SLITRK3: variants seen among roughly 807,000 people sequenced by gnomAD.
The protein encoded by SLITRK3 is SLIT and NTRK like family member 3.
In SLITRK3, 16 loss-of-function variants were observed where a neutral mutation model predicts 63.6. The ratio of observed to expected loss-of-function variants is 0.25; its 90% CI spans 0.17 to 0.38. The LOEUF (loss-of-function observed/expected upper bound fraction) is 0.38. SLITRK3 is among the 10% of genes least tolerant of loss of function. SLITRK3 has a pLI of 1.00. For missense variants in SLITRK3, 1,117 were observed against 1,181.4 expected (o/e 0.95, Z 0.80); for synonymous variants, 547 against 451.6 (o/e 1.21, Z -2.68).
chr3:165,196,149 G>A lies in SLITRK3; in HGVS notation c.-591C>T, dbSNP rs1718408043. 1 of 152,224 alleles carries A rather than the reference G, an allele frequency of 6.6e-6. No homozygotes were observed. The highest frequency in any genetic ancestry group is 2.4e-5 in the African/African-American group (1 of 41,240). The allele number at this position is 152,224 out of a possible 1,614,324, so 9.4% of individuals were successfully genotyped here. On this transcript the variant is annotated 5_prime_UTR_variant, in exon 1 of 2. Transcript: ENST00000475390. The stretch of plus-strand genomic sequence containing the variant: ...TAGGTGGGTGGGAGTGGGGGTTGGT[G>A]GCGTGTAGATGAGAGAAGAAAAGGG...
intron 1 of SLITRK3, among the ~76,000 whole-genome samples, chr3:165,194,987 G>T (rs1161901431): frequency 6.6e-6 from 1 of 152,102 alleles, no homozygotes; most frequent in Non-Finnish European, 1.5e-5. Context: ...TCCAGAGGGA[G>T]GACAAGAAGC....
chr3:165,194,871 T>A (rs1295807340), intron 1 of SLITRK3, among the ~76,000 whole-genome samples: 1 of 152,176 alleles, frequency 6.6e-6, no homozygotes, highest in African/African-American at 2.4e-5. Flanking sequence ...TAGCTCAGGA[T>A]AGCGCGTCTA....
chr3:165,190,202 A>G lies in SLITRK3; in HGVS notation c.629T>C (p.Val210Ala). ...HLDLRGNRLKVLFYRGMLDHI... is the reference protein window; with the variant it reads ...HLDLRGNRLKALFYRGMLDHI... ...ATCTAGCATTCCTCGGTAAAAAAGA[A>G]CCTTTAACCTATTTCCACGTAGGTC... is the stretch of plus-strand genomic sequence containing the variant. Residue 210 changes from valine to alanine, a missense_variant, in exon 2 of 2, where the codon GTT (valine) becomes GCT (alanine). This residue lies in a region of SLITRK3 where 452 missense variants were observed against 495.3 expected (regional missense o/e 0.91). Transcript: ENST00000475390. The G allele has an allele frequency of 6.2e-7, 1 of 1,614,190 alleles. No individual in the cohort carries two copies. The highest frequency in any genetic ancestry group is 8.5e-7 in the Non-Finnish European group (1 of 1,180,040).
chr3:165,193,236 G>A (rs1718302607), intron 1 of SLITRK3, among the ~76,000 whole-genome samples: 1 of 147,466 alleles, frequency 6.8e-6, no homozygotes, highest in Non-Finnish European at 1.5e-5. Flanking sequence ...CATTTCTTTG[G>A]TGAGGAAGGT....
intron 1 of SLITRK3, among the ~76,000 whole-genome samples, chr3:165,192,832 G>C (rs917604602): frequency 6.6e-5 from 10 of 152,088 alleles, no homozygotes; most frequent in African/African-American, 2.4e-4. Flanking sequence ...TTCCAGCTCT[G>C]CTGCCCCTGC....
chr3:165,190,052 G>A lies in SLITRK3; in HGVS notation c.779C>T (p.Thr260Ile). The A allele has an allele frequency of 6.2e-7, 1 of 1,614,062 alleles. No homozygotes were observed. Among genetic ancestry groups the A allele is most frequent in the Non-Finnish European group, 8.5e-7 (1 of 1,180,014 alleles). ...ATGGAAGTGGAAAGGGGTCTCACAG[G>A]TAATGTCTCCCACCAGGGCAGTATA... The part of the protein sequence containing the change: ...IPYTALVGDI[T>I]CETPFHFHGK... Residue 260 changes from threonine (T) to isoleucine (I), a missense_variant, in exon 2 of 2, where the codon ACC becomes ATC. By Grantham distance (89) the Thr-to-Ile change is moderately conservative (BLOSUM62 -1). Coordinates refer to ENST00000475390, the MANE Select transcript of SLITRK3 (RefSeq NM_001318810.2).
chr3:165,188,769 A>G lies in SLITRK3; in HGVS notation c.2062T>C (p.Phe688Leu), dbSNP rs1718064156. 6.2e-7 allele frequency: 1 copy of G among 1,614,174 alleles called. No homozygotes were observed. The highest frequency in any genetic ancestry group is 8.5e-7 in the Non-Finnish European group (1 of 1,180,044). ...ACACCTTCCTGCCGCTTGCTTCTGA[A>G]GGGCAGCTTCTTTCGACGCCTTCGG... ...VLRRRRKKLP[F>L]RSKRQEGVDL... The change falls in exon 2 of 2, where the codon TTC becomes CTC. Residue 688 changes from phenylalanine to leucine, a missense_variant. Physicochemically the swap from Phe to Leu is conservative, Grantham distance 22 (BLOSUM62 0). Around this residue, in one of 4 missense-constraint regions of SLITRK3, gnomAD observed 499 missense variants for 463.6 expected, o/e 1.08. Transcript: ENST00000475390.
chr3:165,189,860 A>G lies in SLITRK3; in HGVS notation c.971T>C (p.Val324Ala), dbSNP rs751342320. ...LSSVHFTASSVEYKSSNKQPK... is the reference protein window; with the variant it reads ...LSSVHFTASSAEYKSSNKQPK... ...CTGTTTATTTGAGGACTTGTATTCG[A>G]CAGAAGAAGCAGTAAAATGAACAGA... is the stretch of plus-strand genomic sequence containing the variant. The change falls in exon 2 of 2, where the codon GTC (valine) becomes GCC (alanine). Residue 324 changes from valine to alanine, a missense_variant. Val to Ala is a moderately conservative substitution (Grantham distance 64, BLOSUM62 0). Transcript: ENST00000475390. This position sits in a 1 kb window ranked among gnomAD's most constrained non-coding sequence, Gnocchi z 4.0. The G allele has an allele frequency of 1.2e-5, 19 of 1,614,158 alleles. No individual in the cohort carries two copies. The highest frequency in any genetic ancestry group is 3.3e-4 in the Middle Eastern group (2 of 6,062).
chr3:165,194,345 T>A (rs1179568598), intron 1 of SLITRK3, among the ~76,000 whole-genome samples: 1 of 152,172 alleles, frequency 6.6e-6, no homozygotes, highest in Non-Finnish European at 1.5e-5. Context: ...TAACAATGTG[T>A]TCCTTAAAAG....
At position 165,188,572 on chromosome 3, in the gene SLITRK3, G is replaced by A; in HGVS notation, c.2259C>T (p.Asn753=). The change falls in exon 2 of 2, where the codon AAC becomes AAT. Residue 753 remains asparagine, a synonymous_variant. Coordinates refer to ENST00000475390, the MANE Select transcript of SLITRK3 (RefSeq NM_001318810.2). ...IPHPVTQMCN[N]PIYKPREEEE... is the part of the protein sequence containing the mutation. ...CCTCCTCACGAGGCTTGTAGATGGG[G>A]TTGTTGCACATTTGGGTAACCGGGT... 1.2e-6 allele frequency: 2 copies of A among 1,614,042 alleles called. No individual in the cohort carries two copies. Among genetic ancestry groups the A allele is most frequent in the Non-Finnish European group, 1.7e-6 (2 of 1,180,020 alleles).
chr3:165,196,899 C>CTCTCTCTCTG (rs1553792807), upstream of SLITRK3: 96 of 119,460 alleles, frequency 8.0e-4, no homozygotes, highest in African/African-American at 4.5e-3. Flanking sequence ...CTCTCTCTGT[C>CTCTCTCTCTG]TCTCTCTCTC....
At chr3:165,192,468 A>G (rs2108210160) in intron 1 of SLITRK3, among the ~76,000 whole-genome samples, 1 of 152,258 alleles carries the variant, frequency 6.6e-6, no homozygotes, top group African/African-American at 2.4e-5. Context: ...GGTTTAGGCA[A>G]AAAAGGCTAC....
chr3:165,189,961 C>T lies in SLITRK3; in HGVS notation c.870G>A (p.Glu290=). 1.9e-6 allele frequency: 3 copies of T among 1,614,124 alleles called. No individual in the cohort carries two copies. The highest frequency in any genetic ancestry group is 2.5e-6 in the Non-Finnish European group (3 of 1,180,030). The change falls in exon 2 of 2, where the codon GAG becomes GAA. Residue 290 remains glutamate (E), a synonymous_variant. Transcript: ENST00000475390. The surrounding 1 kb of genome is among the most constrained non-coding windows in gnomAD (Gnocchi z 4.0). ...LCPLLSDSEV[E]ASLGIPHSSS... ...ACGAATGTGGAATTCCCAAACTAGC[C>T]TCTACCTCAGAGTCAGACAACAAGG...
chr3:165,194,767 G>A (rs760827701), intron 1 of SLITRK3, among the ~76,000 whole-genome samples: 1 of 152,150 alleles, frequency 6.6e-6, no homozygotes, highest in African/African-American at 2.4e-5. Flanking sequence ...ATGTTGTCTC[G>A]GCAATGAAGT....
chr3:165,194,416 G>A (rs776313441), intron 1 of SLITRK3, among the ~76,000 whole-genome samples: 1 of 152,074 alleles, frequency 6.6e-6, no homozygotes, highest in Non-Finnish European at 1.5e-5. Flanking sequence ...GAGTCCACTG[G>A]CAGACAGTAG....
chr3:165,190,673 T>G lies in SLITRK3; in HGVS notation c.158A>C (p.Lys53Thr). ...PCFDPCYCEVKESLFHIHCDS... is the reference protein window; with the variant it reads ...PCFDPCYCEVTESLFHIHCDS... ...ACAATGTATATGAAAGAGGCTTTCT[T>G]TAACTTCACAGTAGCATGGATCAAA... is the stretch of plus-strand genomic sequence containing the variant. The change falls in exon 2 of 2, where the codon AAA (lysine) becomes ACA (threonine). Residue 53 changes from lysine to threonine, a missense_variant. Lys to Thr is a moderately conservative substitution (Grantham distance 78). Around this residue, in one of 4 missense-constraint regions of SLITRK3, gnomAD observed 452 missense variants for 495.3 expected, o/e 0.91. Transcript: ENST00000475390. The G allele has an allele frequency of 6.2e-7, 1 of 1,614,142 alleles. No homozygotes were observed. The highest frequency in any genetic ancestry group is 2.2e-5 in the East Asian group (1 of 44,858).
Position 165,189,405 on chromosome 3 carries a change from A to G in SLITRK3, c.1426T>C (p.Phe476Leu), listed in dbSNP as rs753688376. ...NDIEKLTPGM[F>L]RGLQSLHYLY... ...TAGTGCAAACTCTGTAGGCCTCGGA[A>G]CATGCCTGGTGTCAGCTTCTCTATA... The change falls in exon 2 of 2, where the codon TTC (phenylalanine) becomes CTC (leucine). Residue 476 changes from phenylalanine to leucine, a missense_variant. Phe to Leu is a conservative substitution (Grantham distance 22, BLOSUM62 0). Coordinates refer to ENST00000475390, the MANE Select transcript of SLITRK3 (RefSeq NM_001318810.2). The surrounding 1 kb of genome is among the most constrained non-coding windows in gnomAD (Gnocchi z 4.0). 1 of 1,613,684 alleles carries G rather than the reference A, an allele frequency of 6.2e-7. No homozygotes were observed. The highest frequency in any genetic ancestry group is 8.5e-7 in the Non-Finnish European group (1 of 1,180,030).
In SLITRK3 at chr3:165,187,095, T is replaced by C. The variant is rs2108205120; in HGVS notation, c.*802A>G. On this transcript the variant is annotated 3_prime_UTR_variant, in exon 2 of 2. Coordinates refer to ENST00000475390, the MANE Select transcript of SLITRK3 (RefSeq NM_001318810.2). The stretch of plus-strand genomic sequence containing the variant: ...GCCTAGAATGTGACTTTTCCCAGGG[T>C]GGTAGGAGAGATGCTGTGAGCTGTA... 1 of 152,176 alleles carries C rather than the reference T, an allele frequency of 6.6e-6. No homozygotes were observed. Among genetic ancestry groups the C allele is most frequent in the East Asian group, 1.9e-4 (1 of 5,156 alleles). The allele number at this position is 152,176 out of a possible 1,614,324, so 9.4% of individuals were successfully genotyped here. A position where few individuals can be genotyped will look rare whatever the true frequency, so the allele number is the denominator to read the frequency against.
intron 1 of SLITRK3, among the ~76,000 whole-genome samples, chr3:165,194,468 G>A (rs1406647944): frequency 2.0e-5 from 3 of 152,074 alleles, no homozygotes; most frequent in East Asian, 1.9e-4. Flanking sequence ...GTAAGCAGGA[G>A]GGCAGAATTT....
Sources: allele counts gnomAD v4.1 joint callset (sites outside exome capture counted in the v4.1 genomes callset), GRCh38; gene constraint gnomAD v4.1.1; regional missense constraint gnomAD v4.1.1; non-coding constraint Gnocchi (gnomAD v3.1); transcripts MANE v1.5; gene names NCBI Gene and HGNC (gene_info 2026-07-23, HGNC 2026-07-21).